Variants in UGT1A8 observed in about 807,000 individuals in gnomAD.
The protein encoded by UGT1A8 is UDP-glucuronosyltransferase 1A8.
UGT1A8 carries 39 observed loss-of-function variants against 45.3 expected under a neutral mutation model. The ratio of observed to expected loss-of-function variants is 0.86; its 90% confidence interval spans 0.67 to 1.12. The LOEUF (loss-of-function observed/expected upper bound fraction) is 1.12. Ranked by LOEUF, UGT1A8 falls within the 50% of genes most tolerant of loss-of-function variation. The probability of loss-of-function intolerance (pLI) is 0.00; values close to 1 mark genes in which losing one functional copy is unlikely to be tolerated. For missense variants in UGT1A8, 719 were observed against 664.9 expected (o/e 1.08, Z -0.90); for synonymous variants, 275 against 249.2 (o/e 1.10, Z -0.97).
intron 1 of UGT1A8, chr2:233,719,812 C>G: frequency 6.3e-7 from 1 of 1,587,558 alleles, no homozygotes; most frequent in South Asian, 1.1e-5. Context: ...TTCTTTATAA[C>G]AGATAAACTG....
intron 1 of UGT1A8, chr2:233,649,125 T>A (rs1378014601): frequency 1.4e-6 from 1 of 698,400 alleles, no homozygotes; most frequent in Non-Finnish European, 2.0e-6. Context: ...GTTTGTTGCA[T>A]CTAAAATTTC....
intron 1 of UGT1A8, among the ~76,000 whole-genome samples, chr2:233,764,040 T>A (rs1199805174): frequency 6.6e-6 from 1 of 152,160 alleles, no homozygotes; most frequent in East Asian, 1.9e-4. Flanking sequence ...AAAGAAGAAT[T>A]CTGGGAAAAT....
chr2:233,755,207 C>T, intron 1 of UGT1A8: 1 of 1,062,486 alleles, frequency 9.4e-7, no homozygotes, highest in South Asian at 1.2e-5. Flanking sequence ...TGCGGTACGC[C>T]TTCTTGATAC....
At chr2:233,739,918 T>C (rs1575632669) in intron 1 of UGT1A8, among the ~76,000 whole-genome samples, 1 of 151,914 alleles carries the variant, frequency 6.6e-6, no homozygotes, top group East Asian at 1.9e-4. Flanking sequence ...GTAATTTCCA[T>C]AATCCCCATG....
intron 1 of UGT1A8, among the ~76,000 whole-genome samples, chr2:233,705,131 C>T (rs1289244269): frequency 5.8e-5 from 6 of 104,174 alleles, no homozygotes; most frequent in South Asian, 6.9e-4. Flanking sequence ...AGCGAGACTT[C>T]GTCTGAAAAA....
At chr2:233,746,247 A>C (rs939163155) in intron 1 of UGT1A8, among the ~76,000 whole-genome samples, 2 of 151,776 alleles carry the variant, frequency 1.3e-5, no homozygotes, top group Admixed American at 6.6e-5. Flanking sequence ...AAAAGATACA[A>C]GGCAGAACAG....
chr2:233,631,165 T>C (rs1354071108), intron 1 of UGT1A8, among the ~76,000 whole-genome samples: 1 of 152,176 alleles, frequency 6.6e-6, no homozygotes, highest in African/African-American at 2.4e-5. Flanking sequence ...GCAAAAGACA[T>C]GAATGCATCC....
At chr2:233,700,966 G>A (rs936237302) in intron 1 of UGT1A8, among the ~76,000 whole-genome samples, 4 of 151,880 alleles carry the variant, frequency 2.6e-5, no homozygotes, top group African/African-American at 4.8e-5. Context: ...GAGAACATGC[G>A]GTGTTTGATT....
At chr2:233,634,191 T>C (rs2125456593) in intron 1 of UGT1A8, among the ~76,000 whole-genome samples, 1 of 152,344 alleles carries the variant, frequency 6.6e-6, no homozygotes, top group Admixed American at 6.5e-5. Context: ...TTATGATTTC[T>C]GTTCTTTTGC....
At chr2:233,671,980 C>T in intron 1 of UGT1A8, 3 of 1,614,038 alleles carry the variant, frequency 1.9e-6, no homozygotes, top group Non-Finnish European at 2.5e-6. Flanking sequence ...ATGTGTGTGT[C>T]TGCTGCTGAC....
At chr2:233,691,435 G>A in intron 1 of UGT1A8, 1 of 985,642 alleles carries the variant, frequency 1.0e-6, no homozygotes, top group African/African-American at 1.7e-5. Context: ...TGTTGCTCAG[G>A]CTTCTTCTCC....
At chr2:233,665,168 T>A (rs1004889137) in intron 1 of UGT1A8, among the ~76,000 whole-genome samples, 1 of 152,208 alleles carries the variant, frequency 6.6e-6, no homozygotes, top group Non-Finnish European at 1.5e-5. Flanking sequence ...GCCAATAAAT[T>A]ATAGACATCT....
At chr2:233,629,436 A>G (rs1003846850) in intron 1 of UGT1A8, among the ~76,000 whole-genome samples, 2 of 152,140 alleles carry the variant, frequency 1.3e-5, no homozygotes, top group African/African-American at 4.8e-5. Context: ...CTAATGTCAA[A>G]CCAGCCTTGC....
intron 1 of UGT1A8, among the ~76,000 whole-genome samples, chr2:233,757,459 C>T (rs1280909636): frequency 8.7e-5 from 13 of 149,420 alleles, no homozygotes; most frequent in African/African-American, 2.0e-4. Flanking sequence ...ATGTCCAGAG[C>T]GCTTACTGTC....
chr2:233,757,752 A>C (rs979747575), intron 1 of UGT1A8, among the ~76,000 whole-genome samples: 1 of 151,642 alleles, frequency 6.6e-6, no homozygotes, highest in Non-Finnish European at 1.5e-5. Flanking sequence ...GGACATGTTT[A>C]TGTTGCTCCT....
rs999481021 is a variant in UGT1A8, at chr2:233,751,049, A to G, written c.856-15985A>G. On this transcript the variant is annotated intron_variant, in intron 1 of 4. Transcript: ENST00000373450. The stretch of plus-strand genomic sequence containing the variant: ...ATAGCTTGCACTGTGTGCCTGGAAA[A>G]GACACAGACACTCAATGCCAGCCTC... Among the ~76,000 whole-genome samples, 4 of 151,908 alleles carry G rather than the reference A, an allele frequency of 2.6e-5. 1 individual carries two copies. The highest frequency in any genetic ancestry group is 9.7e-5 in the African/African-American group (4 of 41,164).
intron 1 of UGT1A8, among the ~76,000 whole-genome samples, chr2:233,749,776 T>C (rs995320818): frequency 2.6e-5 from 4 of 151,902 alleles, no homozygotes; most frequent in African/African-American, 9.7e-5. Flanking sequence ...CTGATGGTTT[T>C]ATAAGGGGCC....
intron 1 of UGT1A8, among the ~76,000 whole-genome samples, chr2:233,727,735 C>A (rs1040217488): frequency 1.3e-5 from 2 of 152,208 alleles, no homozygotes; most frequent in Non-Finnish European, 2.9e-5. Flanking sequence ...CTTTTCTGTG[C>A]CATCCTGCGT....
chr2:233,694,331 C>G (rs2075215181), intron 1 of UGT1A8, among the ~76,000 whole-genome samples: 1 of 151,490 alleles, frequency 6.6e-6, no homozygotes, highest in Non-Finnish European at 1.5e-5. Context: ...TATGTTGAGA[C>G]CTGTTTTTAT....
Sources: allele counts gnomAD v4.1 joint callset (sites outside exome capture counted in the v4.1 genomes callset), GRCh38; gene constraint gnomAD v4.1.1; transcripts MANE v1.5; gene names NCBI Gene and HGNC (gene_info 2026-07-23, HGNC 2026-07-21).